Variants in ZC3HAV1 observed in about 807,000 individuals in gnomAD.
ZC3HAV1 encodes zinc finger CCCH-type antiviral protein 1.
ZC3HAV1 carries 41 observed loss-of-function variants against 86.6 expected under a neutral mutation model. The observed-to-expected ratio is 0.47, with a 90% CI of 0.37 to 0.61. The LOEUF is 0.61. Among genes scored for constraint, ZC3HAV1 ranks in the 20% least tolerant of loss-of-function variants. The pLI is 0.00. For missense variants in ZC3HAV1, 964 were observed against 1,141.1 expected (o/e 0.84, Z 2.24); for synonymous variants, 421 against 432.1 (o/e 0.97, Z 0.32).
At chr7:139,068,575 A>AT (rs1035031692) in intron 7 of ZC3HAV1, among the ~76,000 whole-genome samples, 3 of 152,120 alleles carry the variant, frequency 2.0e-5, no homozygotes, top group African/African-American at 4.8e-5. Context: ...TGATTTCTTA[A>AT]TTTTTTATGT....
rs116955781 is a variant in ZC3HAV1, at chr7:139,076,342, C to T, written c.1641G>A (p.Thr547=). ...CGATCGTCTCCATGTGCTCAAAGTC[C>T]GTCCAGGTTTTACCAATAAGCATCT... ...RWQMLIGKTW[T]DFEHMETIEK... is the part of the protein sequence containing the mutation. Residue 547 remains threonine (T), a synonymous_variant, in exon 6 of 13, where the codon ACG becomes ACA. Coordinates refer to ENST00000242351, the MANE Select transcript of ZC3HAV1 (RefSeq NM_020119.4). The T allele has an allele frequency of 8.5e-3, 13,691 of 1,614,084 alleles. 77 individuals are homozygous for T. Among genetic ancestry groups the T allele is most frequent in the Middle Eastern group, 0.014 (86 of 6,062 alleles).
At chr7:139,073,383 A>C (rs993324914) in intron 7 of ZC3HAV1, among the ~76,000 whole-genome samples, 8 of 152,122 alleles carry the variant, frequency 5.3e-5, no homozygotes, top group Admixed American at 1.3e-4. Context: ...GCTGAAAAAA[A>C]ATTGAATATA....
Position 139,076,296 on chromosome 7 carries a change from C to T in ZC3HAV1, c.1687G>A (p.Gly563Arg), listed in dbSNP as rs1198216463. The change falls in exon 6 of 13, where the codon GGA becomes AGA. Residue 563 changes from glycine (G) to arginine (R), a missense_variant. Physicochemically the swap from Gly to Arg is moderately radical, Grantham distance 125. Transcript: ENST00000242351. ...ETIEKGYCNP[G>R]IHLCSVGSYT... ...CAGCCACCAACTTACAGGTGGATTC[C>T]GGGGTTACAGTAGCCTTTCTCGATC... is the stretch of plus-strand genomic sequence containing the variant. The T allele has an allele frequency of 1.2e-5, 19 of 1,614,000 alleles. No homozygotes were observed. Among genetic ancestry groups the T allele is most frequent in the South Asian group, 7.7e-5 (7 of 91,080 alleles).
Position 139,109,146 on chromosome 7 carries a change from T to C in ZC3HAV1, c.186A>G (p.Arg62=). Residue 62 remains arginine (R), a synonymous_variant, in exon 1 of 13, where the codon CGA becomes CGG. Coordinates refer to ENST00000242351, the MANE Select transcript of ZC3HAV1 (RefSeq NM_020119.4). ...LETGGEAGIT[R]SVVATTRARV... ...GGGCTCGAGTGGTGGCCACCACCGA[T>C]CGGGTGATCCCGGCCTCGCCGCCGG... 5.7e-6 allele frequency: 9 copies of C among 1,592,888 alleles called. No homozygotes were observed. The highest frequency in any genetic ancestry group is 7.7e-6 in the Non-Finnish European group (9 of 1,169,956).
intron 2 of ZC3HAV1, among the ~76,000 whole-genome samples, chr7:139,089,045 T>C (rs947584077): frequency 5.3e-5 from 7 of 130,958 alleles, no homozygotes; most frequent in Non-Finnish European, 1.1e-4. Context: ...GAGGTTGCAG[T>C]GAGCTAAGAT....
At chr7:139,074,531 GT>G (rs1816877612) in intron 6 of ZC3HAV1, among the ~76,000 whole-genome samples, 1 of 151,962 alleles carries the variant, frequency 6.6e-6, no homozygotes, top group Non-Finnish European at 1.5e-5. Context: ...TTCACAGCAG[GT>G]TGAATAAAGA....
chr7:139,063,572 A>T (rs1345937652), intron 8 of ZC3HAV1, among the ~76,000 whole-genome samples: 2 of 151,690 alleles, frequency 1.3e-5, no homozygotes, highest in Admixed American at 6.6e-5. Context: ...AAAAATTTTT[A>T]AATTAGCTGG....
In ZC3HAV1 at chr7:139,083,989, T is replaced by A; in HGVS notation, c.488A>T (p.Asn163Ile). The change falls in exon 3 of 13, where the codon AAC becomes ATC. Residue 163 changes from asparagine (N) to isoleucine (I), a missense_variant. By Grantham distance (149) the Asn-to-Ile change is moderately radical (BLOSUM62 -3). Transcript: ENST00000242351. The part of the protein sequence containing the change: ...YKGEGRQQIC[N>I]QQPPCSRLHI... ...GAGTCTTGAACACGGTGGCTGCTGGTTACAAATCTGCTGCCGACCCTCTCC... is the reference window on the plus strand; with the variant it reads ...GAGTCTTGAACACGGTGGCTGCTGGATACAAATCTGCTGCCGACCCTCTCC... 6.2e-7 allele frequency: 1 copy of A among 1,614,070 alleles called. No homozygotes were observed. Among genetic ancestry groups the A allele is most frequent in the Non-Finnish European group, 8.5e-7 (1 of 1,180,002 alleles).
chr7:139,073,830 C>A lies in ZC3HAV1; in HGVS notation c.1872+26G>T, dbSNP rs1816851509. 4 of 1,576,174 alleles carry A rather than the reference C, an allele frequency of 2.5e-6. No homozygotes were observed. The African/African-American group carries it at 4.1e-5, about 16-fold the overall frequency. On this transcript the variant is annotated intron_variant, in intron 7 of 12. Transcript: ENST00000242351. ...TAAGTTGACAAGTTTAAACAAGAGC[C>A]CCCTACAAGGAGGAACAGTGCTCAC...
chr7:139,079,186 C>T lies in ZC3HAV1; in HGVS notation c.1471+284G>A, dbSNP rs370346738. On this transcript the variant is annotated intron_variant, in intron 4 of 12. Coordinates refer to ENST00000242351, the MANE Select transcript of ZC3HAV1 (RefSeq NM_020119.4). ...GGGTGCAGTTCTGCCCTTGGGCCCC[C>T]CAGACTGCAGCTCTGTTGCTTGAGG... 22 of 1,536,108 alleles carry T rather than the reference C, an allele frequency of 1.4e-5. No individual in the cohort carries two copies. In the African/African-American group the frequency reaches 2.2e-4, roughly 15 times the overall value.
chr7:139,057,019 C>T (rs1816304085), intron 9 of ZC3HAV1, among the ~76,000 whole-genome samples: 1 of 152,080 alleles, frequency 6.6e-6, no homozygotes, highest in Non-Finnish European at 1.5e-5. Context: ...GAAATGATAA[C>T]ATGTATTGGA....
At chr7:139,102,662 C>G (rs1817807070) in intron 1 of ZC3HAV1, among the ~76,000 whole-genome samples, 1 of 151,302 alleles carries the variant, frequency 6.6e-6, no homozygotes, top group African/African-American at 2.4e-5. Context: ...GAGGCTGAGG[C>G]AAGAGGAATG....
At chr7:139,064,428 G>A (rs1816538757) in intron 8 of ZC3HAV1, among the ~76,000 whole-genome samples, 1 of 152,196 alleles carries the variant, frequency 6.6e-6, no homozygotes, top group Non-Finnish European at 1.5e-5. Context: ...TCAATGTGAT[G>A]ATGGAACTAC....
At chr7:139,104,863 C>A (rs771768623) in intron 1 of ZC3HAV1, among the ~76,000 whole-genome samples, 4 of 150,018 alleles carry the variant, frequency 2.7e-5, no homozygotes, top group Non-Finnish European at 5.9e-5. Context: ...AAAATCCCAT[C>A]TCTACTAAAA....
At chr7:139,076,560 T>C in intron 5 of ZC3HAV1, 151 bp from the exon 6 acceptor site, 1 of 1,044,090 alleles carries the variant, frequency 9.6e-7, no homozygotes, top group Non-Finnish European at 1.4e-6. Context: ...GTGTGTCCAT[T>C]ATCCAGGTTC....
rs148403024 is a variant in ZC3HAV1 at position 139,048,643 on chromosome 7, G to A, written c.2450-790C>T. Among the ~76,000 whole-genome samples the A allele has an allele frequency of 3.4e-4, 52 of 152,224 alleles. 1 individual carries two copies. The highest frequency in any genetic ancestry group is 2.9e-3 in the East Asian group (15 of 5,192). ...TATTTTCTAAGAAAGCTACTCTGTC[G>A]TTTTAAAGACCATGAGTAGATATTG... On this transcript the variant is annotated intron_variant, in intron 12 of 12. Transcript: ENST00000242351.
intron 1 of ZC3HAV1, among the ~76,000 whole-genome samples, chr7:139,094,797 G>A (rs1257616314): frequency 6.6e-6 from 1 of 151,902 alleles, no homozygotes; most frequent in Non-Finnish European, 1.5e-5. Context: ...ACTGCGGTGG[G>A]AGCCCGGGTG....
intron 9 of ZC3HAV1, among the ~76,000 whole-genome samples, chr7:139,059,773 T>TTGACTTAATATATATATA (rs1257519374): frequency 2.0e-5 from 3 of 152,194 alleles, no homozygotes; most frequent in Admixed American, 2.0e-4. Context: ...TGAATTAGAA[T>TTGACTTAATATATATATA]TAAGTCAACT....
chr7:139,091,423 G>A (rs1473892409), intron 1 of ZC3HAV1, among the ~76,000 whole-genome samples: 1 of 151,964 alleles, frequency 6.6e-6, no homozygotes, highest in African/African-American at 2.4e-5. Context: ...AGCCGAGATC[G>A]CGCCACTGCA....
Sources: gnomAD v4.1 joint callset for allele counts (sites outside exome capture counted in the v4.1 genomes callset) on GRCh38, gnomAD v4.1.1 for gene constraint, MANE v1.5 for transcripts, NCBI Gene and HGNC (gene_info 2026-07-23, HGNC 2026-07-21) for gene names.